Variants in C1QTNF8 observed in about 807,000 individuals in gnomAD.
C1QTNF8 encodes C1q and TNF related 8, also known as complement C1q tumor necrosis factor-related protein 8.
A neutral mutation model predicts 19.2 loss-of-function variants in C1QTNF8; 27 were observed. The observed-to-expected ratio is 1.41, with a 90% CI of 1.04 to 1.94. The LOEUF is 1.94. C1QTNF8 is among the 30% of genes most tolerant of loss of function. The pLI, the probability that C1QTNF8 is intolerant of heterozygous loss-of-function variation, is 0.00. For synonymous variants in C1QTNF8, 208 were observed against 172.8 expected (o/e 1.20, Z -1.60); for missense variants, 484 against 374.4 (o/e 1.29, Z -2.42).
At position 1,089,776 on chromosome 16, in the gene C1QTNF8, G is replaced by A. The variant is rs549715210; in HGVS notation, c.*823C>T. Among the ~76,000 whole-genome samples the A allele has an allele frequency of 7.9e-5, 12 of 152,126 alleles. No homozygotes were observed. Among genetic ancestry groups the A allele is most frequent in the African/African-American group, 9.7e-5 (4 of 41,418 alleles). On this transcript the variant is annotated 3_prime_UTR_variant, in exon 5 of 5. Transcript: ENST00000328449. ...CACGGGGTAGGGCTGGGGGTGTCCC[G>A]GTCGGGGTGGGAGGCCTGGGGTCTG...
At chr16:1,092,696 CCTGCACACA>C (rs1284694103) in intron 4 of C1QTNF8, among the ~76,000 whole-genome samples, 27 of 94,494 alleles carry the variant, frequency 2.9e-4, no homozygotes, top group African/African-American at 5.7e-4. Context: ...TCAACCAATC[CCTGCACACA>C]GTCGGCGCTC....
intron 4 of C1QTNF8, among the ~76,000 whole-genome samples, chr16:1,091,508 C>T (rs1184720770): frequency 1.3e-5 from 2 of 152,102 alleles, no homozygotes; most frequent in Non-Finnish European, 2.9e-5. Flanking sequence ...GCCACAGCTG[C>T]TCCAGCCGGG....
rs1312093552 is a variant in C1QTNF8, at chr16:1,088,887, G to A, written c.*1712C>T. Among the ~76,000 whole-genome samples the A allele has an allele frequency of 1.4e-5, 2 of 146,350 alleles. No homozygotes were observed. The highest frequency in any genetic ancestry group is 3.0e-5 in the Non-Finnish European group (2 of 66,348). On this transcript the variant is annotated 3_prime_UTR_variant, in exon 5 of 5. Coordinates refer to ENST00000328449, the MANE Select transcript of C1QTNF8 (RefSeq NM_207419.3). Reference sequence around the variant, plus strand: ...GGCGACGTCTGTGCGGGGAGGTCCAGCCTGTCCCTCGGAATAAGCGCCTGG... The same window carrying A: ...GGCGACGTCTGTGCGGGGAGGTCCAACCTGTCCCTCGGAATAAGCGCCTGG...
At chr16:1,091,659 TA>T (rs1434734622) in intron 4 of C1QTNF8, among the ~76,000 whole-genome samples, 1 of 152,150 alleles carries the variant, frequency 6.6e-6, no homozygotes, top group Non-Finnish European at 1.5e-5. Flanking sequence ...CATCCCTGTC[TA>T]AGCATAAGGC....
Position 1,093,370 on chromosome 16 carries a change from G to GCCCCCCCCC in C1QTNF8, c.*4+126_*4+127insGGGGGGGGG. 8 of 417,556 alleles carry GCCCCCCCCC rather than the reference G, an allele frequency of 1.9e-5. 2 individuals are homozygous for GCCCCCCCCC. Among genetic ancestry groups the GCCCCCCCCC allele is most frequent in the East Asian group, 4.8e-5 (1 of 20,918 alleles). 25.9% of individuals were successfully genotyped at this position (417,556 alleles called of 1,614,324 possible). A position where few individuals can be genotyped will look rare whatever the true frequency, so the allele number is the denominator to read the frequency against. On this transcript the variant is annotated intron_variant, in intron 4 of 4. Coordinates refer to ENST00000328449, the MANE Select transcript of C1QTNF8 (RefSeq NM_207419.3). ...ACACAGTCGGCGCTGAAGCTCCGCT[G>GCCCCCCCCC]CCCGCCCACCCCACCACACCCACAC... is the stretch of plus-strand genomic sequence containing the variant.
At chr16:1,092,500 C>G (rs1228545574) in intron 4 of C1QTNF8, among the ~76,000 whole-genome samples, 1 of 134,710 alleles carries the variant, frequency 7.4e-6, no homozygotes, top group Admixed American at 7.3e-5. Context: ...TCAACCAATC[C>G]CTGCACACAG....
rs763532790 is a variant in C1QTNF8 at position 1,093,681 on chromosome 16, G to A, written c.579C>T (p.Tyr193=). ...MLNRRPAAVL[Y]AQPSERSVMQ... ...TGACGCTGCGCTCGCTGGGCTGCGCGTAGAGCACGGCCGCGGGCCGCCGGT... is the reference window on the plus strand; with the variant it reads ...TGACGCTGCGCTCGCTGGGCTGCGCATAGAGCACGGCCGCGGGCCGCCGGT... Residue 193 remains tyrosine (Y), a synonymous_variant, in exon 4 of 5, where the codon TAC becomes TAT. Transcript: ENST00000328449. The A allele has an allele frequency of 3.1e-6, 5 of 1,610,648 alleles. No individual in the cohort carries two copies. In the South Asian group the frequency reaches 4.4e-5, roughly 14 times the overall value.
chr16:1,093,592 T>G lies in C1QTNF8; in HGVS notation c.668A>C (p.Gln223Pro), dbSNP rs1960612513. 1 of 1,601,940 alleles carries G rather than the reference T, an allele frequency of 6.2e-7. No homozygotes were observed. Among genetic ancestry groups the G allele is most frequent in the East Asian group, 2.3e-5 (1 of 44,170 alleles). Residue 223 changes from glutamine (Q) to proline (P), a missense_variant, in exon 4 of 5, where the codon CAG (glutamine) becomes CCG (proline). Physicochemically the swap from Gln to Pro is moderately conservative, Grantham distance 76. Coordinates refer to ENST00000328449, the MANE Select transcript of C1QTNF8 (RefSeq NM_207419.3). ...AGDAVWVRMF[Q>P]RDRDNAIYGE... ...GTAGATGGCGTTGTCCCGGTCGCGCTGGAACATGCGCACCCAGACGGCGTC... is the reference window on the plus strand; with the variant it reads ...GTAGATGGCGTTGTCCCGGTCGCGCGGGAACATGCGCACCCAGACGGCGTC...
chr16:1,093,804 G>C lies in C1QTNF8; in HGVS notation c.456C>G (p.Ala152=), dbSNP rs367696352. 4.4e-5 allele frequency: 71 copies of C among 1,610,916 alleles called. No homozygotes were observed. Among genetic ancestry groups the C allele is most frequent in the Non-Finnish European group, 5.9e-5 (70 of 1,179,656 alleles). ...LVNLDGAFDL[A]AGRFLCTVPG... ...GCACCGTGCAGAGGAAGCGGCCCGC[G>C]GCCAGGTCGAAGGCGCCGTCCAGGT... The change falls in exon 4 of 5, where the codon GCC becomes GCG. Residue 152 remains alanine (A), a synonymous_variant. Transcript: ENST00000328449.
rs969822349 is a variant in C1QTNF8, at chr16:1,089,200, C to G, written c.*1399G>C. Among the ~76,000 whole-genome samples the G allele has an allele frequency of 2.6e-5, 4 of 152,096 alleles. No individual in the cohort carries two copies. The South Asian group carries it at 8.3e-4, about 31-fold the overall frequency. ...ATGTCCTCCCTGGCCCTGGGGTGGTCCGGACCCCTGGCTCCCATCTCCCAT... is the reference window on the plus strand; with the variant it reads ...ATGTCCTCCCTGGCCCTGGGGTGGTGCGGACCCCTGGCTCCCATCTCCCAT... On this transcript the variant is annotated 3_prime_UTR_variant, in exon 5 of 5. Transcript: ENST00000328449.
At chr16:1,093,101 G>A (rs1309287212) in intron 4 of C1QTNF8, among the ~76,000 whole-genome samples, 2 of 135,794 alleles carry the variant, frequency 1.5e-5, no homozygotes, top group Admixed American at 7.3e-5. Flanking sequence ...GCACACAGTC[G>A]GCGCTCAACC....
rs561287039 is a variant in C1QTNF8, at chr16:1,088,420, C to T, written c.*2179G>A. ...GGGCCGACCACGGGGGTGCCCGGTG[C>T]GGTTCTGATGGGGTGGCTCCCCCTT... is the stretch of plus-strand genomic sequence containing the variant. On this transcript the variant is annotated 3_prime_UTR_variant, in exon 5 of 5. Coordinates refer to ENST00000328449, the MANE Select transcript of C1QTNF8 (RefSeq NM_207419.3). 6.6e-6 allele frequency among the ~76,000 whole-genome samples: 1 copy of T among 152,302 alleles called. No homozygotes were observed. The highest frequency in any genetic ancestry group is 2.1e-4 in the South Asian group (1 of 4,824).
In C1QTNF8 at chr16:1,089,637, G is replaced by A. The variant is rs372911941; in HGVS notation, c.*962C>T. ...GCACTGGGTGTCCTCACTTGGGAACGGGCTGAGTGAGCACAAGGCTCCCCA... is the reference window on the plus strand; with the variant it reads ...GCACTGGGTGTCCTCACTTGGGAACAGGCTGAGTGAGCACAAGGCTCCCCA... On this transcript the variant is annotated 3_prime_UTR_variant, in exon 5 of 5. Coordinates refer to ENST00000328449, the MANE Select transcript of C1QTNF8 (RefSeq NM_207419.3). Among the ~76,000 whole-genome samples, 82 of 152,310 alleles carry A rather than the reference G, an allele frequency of 5.4e-4. 2 individuals carry two copies. In the Middle Eastern group the frequency reaches 0.014, roughly 25 times the overall value.
At position 1,088,579 on chromosome 16, in the gene C1QTNF8, G is replaced by A. The variant is rs567567616; in HGVS notation, c.*2020C>T. Among the ~76,000 whole-genome samples, 4 of 152,184 alleles carry A rather than the reference G, an allele frequency of 2.6e-5. No individual in the cohort carries two copies. The highest frequency in any genetic ancestry group is 1.5e-5 in the Non-Finnish European group (1 of 68,038). ...GGCTTTTATCACTTGGCAGAGAATC[G>A]TGACCGTATCTTATCTCACTTTCAG... On this transcript the variant is annotated 3_prime_UTR_variant, in exon 5 of 5. Transcript: ENST00000328449.
At position 1,089,097 on chromosome 16, in the gene C1QTNF8, C is replaced by G. The variant is rs117246667; in HGVS notation, c.*1502G>C. On this transcript the variant is annotated 3_prime_UTR_variant, in exon 5 of 5. Coordinates refer to ENST00000328449, the MANE Select transcript of C1QTNF8 (RefSeq NM_207419.3). ...AGACCCCAGGGCAGCCGGGCCAGGG[C>G]CAGGGCCAGGGAAAGGAACGGTTGT... Among the ~76,000 whole-genome samples, 2,043 of 152,274 alleles carry G rather than the reference C, an allele frequency of 0.013. 23 individuals carry two copies. Among genetic ancestry groups the G allele is most frequent in the Middle Eastern group, 0.031 (9 of 294 alleles).
chr16:1,090,844 C>T, intron 4 of C1QTNF8, among the ~76,000 whole-genome samples: 1 of 152,218 alleles, frequency 6.6e-6, no homozygotes, highest in East Asian at 1.9e-4. Flanking sequence ...TCACTGTTCC[C>T]AGCTGCTTCC....
Sources: gnomAD v4.1 joint callset for allele counts (sites outside exome capture counted in the v4.1 genomes callset) on GRCh38, gnomAD v4.1.1 for gene constraint, MANE v1.5 for transcripts, NCBI Gene and HGNC (gene_info 2026-07-23, HGNC 2026-07-21) for gene names.